The following ZNF214 variants were observed in gnomAD, a reference collection of about 807,000 sequenced individuals.
ZNF214 encodes zinc finger protein 214.
In ZNF214, 43 loss-of-function variants were observed where a neutral mutation model predicts 53.9. The ratio of observed to expected loss-of-function variants is 0.80; its 90% CI spans 0.63 to 1.03. The LOEUF is 1.03. Ranked by LOEUF, ZNF214 falls within the 50% of genes least tolerant of loss-of-function variation. The pLI, the probability that ZNF214 is intolerant of heterozygous loss-of-function variation, is 0.00. For missense variants in ZNF214, 724 were observed against 719.1 expected (o/e 1.01, Z -0.08); for synonymous variants, 217 against 229.5 (o/e 0.95, Z 0.49).
chr11:7,004,916 T>A (rs1851439522), intron 1 of ZNF214, among the ~76,000 whole-genome samples: 1 of 152,090 alleles, frequency 6.6e-6, no homozygotes, highest in Non-Finnish European at 1.5e-5. Context: ...TAATGTTTGC[T>A]GTTTTAAGTA....
At chr11:7,008,088 AT>A (rs1239524364) in intron 1 of ZNF214, among the ~76,000 whole-genome samples, 4 of 152,268 alleles carry the variant, frequency 2.6e-5, no homozygotes, top group African/African-American at 9.6e-5. Flanking sequence ...AATGACAATA[AT>A]TACGTAAAAA....
At position 7,000,457 on chromosome 11, in the gene ZNF214, G is replaced by C. The variant is rs777520726; in HGVS notation, c.1226C>G (p.Thr409Arg). 1 of 1,613,344 alleles carries C rather than the reference G, an allele frequency of 6.2e-7. No individual in the cohort carries two copies. The highest frequency in any genetic ancestry group is 2.2e-5 in the East Asian group (1 of 44,842). The change falls in exon 3 of 3, where the codon ACA becomes AGA. Residue 409 changes from threonine to arginine, a missense_variant. Physicochemically the swap from Thr to Arg is moderately conservative, Grantham distance 71. Transcript: ENST00000278314. ...TTCACATTTATAAGACTTCTCTCCT[G>C]TGTGTACTAACTGATGAATTCGAAG... ...SNLRIHQLVHTGEKSYKCEDC... is the reference protein window; with the variant it reads ...SNLRIHQLVHRGEKSYKCEDC...
intron 1 of ZNF214, among the ~76,000 whole-genome samples, chr11:7,014,798 CT>C (rs1851713010): frequency 8.3e-6 from 1 of 120,206 alleles, no homozygotes; most frequent in Non-Finnish European, 1.7e-5. Context: ...GAAACCCTGT[CT>C]CTAACAAAAA....
At chr11:7,005,133 T>G (rs1422609692) in intron 1 of ZNF214, among the ~76,000 whole-genome samples, 3 of 151,844 alleles carry the variant, frequency 2.0e-5, no homozygotes, top group Non-Finnish European at 2.9e-5. Flanking sequence ...ATAATGTCTA[T>G]ATGATAAATA....
At position 6,997,724 on chromosome 11, in the gene ZNF214, G is replaced by GTT; in HGVS notation, c.*2137_*2138insAA. Among the ~76,000 whole-genome samples the GTT allele has an allele frequency of 6.6e-6, 1 of 151,764 alleles. No individual in the cohort carries two copies. Among genetic ancestry groups the GTT allele is most frequent in the East Asian group, 1.9e-4 (1 of 5,172 alleles). On this transcript the variant is annotated 3_prime_UTR_variant, in exon 3 of 3. Transcript: ENST00000278314. ...GGATGTAGCAACTAAAAACAGAAATGACCAGTTAAATTTGAATTTCAAATG... is the reference window on the plus strand; with the variant it reads ...GGATGTAGCAACTAAAAACAGAAATGTTACCAGTTAAATTTGAATTTCAAATG...
intron 1 of ZNF214, among the ~76,000 whole-genome samples, chr11:7,014,452 T>G (rs1402320374): frequency 6.6e-6 from 1 of 152,170 alleles, no homozygotes; most frequent in African/African-American, 2.4e-5. Context: ...CTGTAAAATT[T>G]AGCATTATGC....
intron 1 of ZNF214, among the ~76,000 whole-genome samples, chr11:7,011,670 T>A (rs983609925): frequency 3.9e-5 from 6 of 151,954 alleles, no homozygotes; most frequent in African/African-American, 1.4e-4. Context: ...TGGCAAATAC[T>A]ATAAGAAAAA....
chr11:7,010,015 T>C (rs1017867538), intron 1 of ZNF214, among the ~76,000 whole-genome samples: 1 of 152,166 alleles, frequency 6.6e-6, no homozygotes, highest in African/African-American at 2.4e-5. Flanking sequence ...GGTGTGGTGA[T>C]TTCTCAAAGA....
intron 1 of ZNF214, among the ~76,000 whole-genome samples, chr11:7,018,280 C>A (rs548851213): frequency 2.1e-4 from 32 of 152,160 alleles, no homozygotes; most frequent in African/African-American, 7.5e-4. Context: ...TGTTTCACTT[C>A]CCTGTCACTA....
At chr11:7,009,846 G>A (rs1364617910) in intron 1 of ZNF214, among the ~76,000 whole-genome samples, 2 of 151,924 alleles carry the variant, frequency 1.3e-5, no homozygotes, top group African/African-American at 2.4e-5. Flanking sequence ...ATCAGATAAA[G>A]GCAAATCAAA....
intron 1 of ZNF214, among the ~76,000 whole-genome samples, chr11:7,007,916 A>G: frequency 6.6e-6 from 1 of 152,190 alleles, no homozygotes; most frequent in East Asian, 1.9e-4. Flanking sequence ...AGAATACATT[A>G]TCTAGCTACA....
At chr11:7,015,320 G>A (rs935390527) in intron 1 of ZNF214, among the ~76,000 whole-genome samples, 1 of 152,142 alleles carries the variant, frequency 6.6e-6, no homozygotes, top group Non-Finnish European at 1.5e-5. Flanking sequence ...GCTCATGCCT[G>A]TAATCCCATC....
intron 1 of ZNF214, among the ~76,000 whole-genome samples, chr11:7,010,832 T>C (rs1477549373): frequency 2.0e-5 from 3 of 150,958 alleles, no homozygotes; most frequent in African/African-American, 7.4e-5. Context: ...AAATAACTTT[T>C]GACATAAGAT....
At chr11:7,008,039 C>G (rs555684734) in intron 1 of ZNF214, among the ~76,000 whole-genome samples, 2 of 98,392 alleles carry the variant, frequency 2.0e-5, no homozygotes, top group Non-Finnish European at 4.9e-5. Flanking sequence ...AAAAATATAA[C>G]AATTCTTAAT....
At position 7,001,126 on chromosome 11, in the gene ZNF214, A is replaced by G; in HGVS notation, c.557T>C (p.Val186Ala). Residue 186 changes from valine (V) to alanine (A), a missense_variant, in exon 3 of 3, where the codon GTT becomes GCT. Val to Ala is a moderately conservative substitution (Grantham distance 64). Transcript: ENST00000278314. Reference protein sequence around the residue: ...LSMEKEQKLIVQHSYIPVEEA... With the variant: ...LSMEKEQKLIAQHSYIPVEEA... ...CTCCACTGGGATATAAGAATGCTGA[A>G]CTATGAGCTTCTGTTCTTTTTCCAT... 1.2e-6 allele frequency: 2 copies of G among 1,613,382 alleles called. No individual in the cohort carries two copies. Among genetic ancestry groups the G allele is most frequent in the South Asian group, 1.1e-5 (1 of 91,054 alleles).
At chr11:7,012,808 T>G (rs1281936597) in intron 1 of ZNF214, among the ~76,000 whole-genome samples, 1 of 152,202 alleles carries the variant, frequency 6.6e-6, no homozygotes, top group Non-Finnish European at 1.5e-5. Context: ...CAGCAGCACT[T>G]GAATTCATAA....
intron 1 of ZNF214, among the ~76,000 whole-genome samples, chr11:7,012,762 G>C (rs1033377389): frequency 1.3e-5 from 2 of 152,162 alleles, no homozygotes; most frequent in Non-Finnish European, 2.9e-5. Flanking sequence ...TCTTCAAGAC[G>C]TCAGAAATAA....
At chr11:7,012,135 A>G (rs1466747035) in intron 1 of ZNF214, among the ~76,000 whole-genome samples, 1 of 152,184 alleles carries the variant, frequency 6.6e-6, no homozygotes, top group Non-Finnish European at 1.5e-5. Flanking sequence ...CCAGATACTG[A>G]CATATCACCA....
intron 1 of ZNF214, among the ~76,000 whole-genome samples, chr11:7,018,547 G>A (rs892108931): frequency 8.3e-6 from 1 of 119,844 alleles, no homozygotes; most frequent in African/African-American, 3.2e-5. Flanking sequence ...TGTTGCCCAG[G>A]TTGGAGTGCA....
Sources: allele counts gnomAD v4.1 joint callset (sites outside exome capture counted in the v4.1 genomes callset), GRCh38; gene constraint gnomAD v4.1.1; transcripts MANE v1.5; gene names NCBI Gene and HGNC (gene_info 2026-07-23, HGNC 2026-07-21).